Variants in CORO2A observed in about 807,000 individuals in gnomAD.
CORO2A encodes coronin 2A, also known as coronin-2A.
Under a neutral mutation model 62.4 loss-of-function variants are expected in CORO2A, and 47 were observed. The observed-to-expected ratio is 0.75, with a 90% CI of 0.60 to 0.96. The LOEUF (loss-of-function observed/expected upper bound fraction) is 0.96. Ranked by LOEUF, CORO2A falls within the 40% of genes least tolerant of loss-of-function variation. CORO2A has a pLI of 0.00. For missense variants in CORO2A, 610 were observed against 684.1 expected (o/e 0.89, Z 1.21); for synonymous variants, 273 against 268.9 (o/e 1.02, Z -0.15).
At chr9:98,149,375 T>C (rs566523223) in intron 2 of CORO2A, among the ~76,000 whole-genome samples, 44 of 152,336 alleles carry the variant, frequency 2.9e-4, no homozygotes, top group African/African-American at 1.0e-3. Flanking sequence ...CACTAAAGTA[T>C]GAGAAGCTCT....
intron 2 of CORO2A, among the ~76,000 whole-genome samples, chr9:98,142,184 CT>C (rs1180549457): frequency 1.4e-4 from 21 of 152,248 alleles, no homozygotes. Context: ...GAGCCCACAG[CT>C]GCACTGTCTT....
At chr9:98,132,057 C>A (rs1827415838) in intron 6 of CORO2A, 128 bp downstream of exon 6, 1 of 776,236 alleles carries the variant, frequency 1.3e-6, no homozygotes, top group Non-Finnish European at 2.2e-6. Flanking sequence ...ATCCCCGGAT[C>A]CCCAGCACCT....
chr9:98,126,430 C>G (rs192691818), intron 11 of CORO2A, 119 bp downstream of exon 11: 1 of 1,350,484 alleles, frequency 7.4e-7, no homozygotes, highest in Admixed American at 2.2e-5. Flanking sequence ...GTGACTAGGC[C>G]AGGCCACACA....
rs1827714628 is a variant in CORO2A at position 98,150,868 on chromosome 9, A to G, written c.201+6592T>C. Among the ~76,000 whole-genome samples, 4 of 152,048 alleles carry G rather than the reference A, an allele frequency of 2.6e-5. No individual in the cohort carries two copies. In the South Asian group the frequency reaches 8.3e-4, roughly 32 times the overall value. The stretch of plus-strand genomic sequence containing the variant: ...TTCCATTTTGCACTTGTCCCTCCCT[A>G]GCTCGAAACATTCTCTCTCTCTTTA... On this transcript the variant is annotated intron_variant, in intron 2 of 11. Transcript: ENST00000375077.
In CORO2A at chr9:98,134,975, C is replaced by T. The variant is rs1827466097; in HGVS notation, c.319-20G>A. ...CTTAATCTGGCAGGGGAGACAGGGCCCAAGGCAGCATTAGCCAGGGCACCT... is the reference window on the plus strand; with the variant it reads ...CTTAATCTGGCAGGGGAGACAGGGCTCAAGGCAGCATTAGCCAGGGCACCT... On this transcript the variant is annotated intron_variant, in intron 3 of 11. Transcript: ENST00000375077. The T allele has an allele frequency of 5.6e-6, 9 of 1,612,254 alleles. No individual in the cohort carries two copies. Among genetic ancestry groups the T allele is most frequent in the Non-Finnish European group, 7.6e-6 (9 of 1,179,060 alleles).
At chr9:98,158,907 C>T (rs778615436) in intron 1 of CORO2A, among the ~76,000 whole-genome samples, 10 of 151,894 alleles carry the variant, frequency 6.6e-5, no homozygotes, top group East Asian at 1.9e-4. Context: ...GCCAGAGGGG[C>T]GAGGAGAGCC....
chr9:98,187,108 T>C (rs1828248753), intron 1 of CORO2A, among the ~76,000 whole-genome samples: 1 of 151,484 alleles, frequency 6.6e-6, no homozygotes, highest in Non-Finnish European at 1.5e-5. Flanking sequence ...TGAAACCCCG[T>C]CTCTACTGAA....
chr9:98,163,345 G>A (rs1827912380), intron 1 of CORO2A, among the ~76,000 whole-genome samples: 1 of 152,162 alleles, frequency 6.6e-6, no homozygotes, highest in Non-Finnish European at 1.5e-5. Flanking sequence ...GCATGCCACT[G>A]TGCCCCACTA....
At chr9:98,151,188 G>A (rs967490029) in intron 2 of CORO2A, among the ~76,000 whole-genome samples, 3 of 152,140 alleles carry the variant, frequency 2.0e-5, no homozygotes, top group Non-Finnish European at 1.5e-5. Flanking sequence ...TACATTAGGA[G>A]GTACTAGCAG....
At chr9:98,163,162 T>C (rs1588007469) in intron 1 of CORO2A, among the ~76,000 whole-genome samples, 3 of 152,236 alleles carry the variant, frequency 2.0e-5, no homozygotes, top group African/African-American at 7.2e-5. Context: ...TGTAGTCATC[T>C]CTGGGTTTTG....
chr9:98,157,163 C>T (rs930169514), intron 2 of CORO2A, among the ~76,000 whole-genome samples: 1 of 151,928 alleles, frequency 6.6e-6, no homozygotes, highest in Admixed American at 6.6e-5. Flanking sequence ...TCCTGTAATC[C>T]CAGTAAAGCA....
intron 1 of CORO2A, among the ~76,000 whole-genome samples, chr9:98,180,908 C>A (rs1828168004): frequency 6.6e-6 from 1 of 152,210 alleles, no homozygotes; most frequent in African/African-American, 2.4e-5. Context: ...AAGACCAGCT[C>A]CAGGGATGGT....
chr9:98,165,244 C>T (rs1315440238), intron 1 of CORO2A, among the ~76,000 whole-genome samples: 1 of 152,182 alleles, frequency 6.6e-6, no homozygotes, highest in Non-Finnish European at 1.5e-5. Flanking sequence ...CAGGCGTGAG[C>T]CACCGTGCCT....
chr9:98,129,769 A>G (rs367902835), intron 8 of CORO2A, 25 bp downstream of exon 8: 11 of 1,568,414 alleles, frequency 7.0e-6, no homozygotes, highest in South Asian at 1.1e-5. Flanking sequence ...GATTACAGGC[A>G]TGAACTTCAG....
chr9:98,126,674 A>G lies in CORO2A; in HGVS notation c.1321T>C (p.Ser441Pro). Reference protein sequence around the residue: ...EKLAAEDGWRSSSLLEEKMPR... With the variant: ...EKLAAEDGWRPSSLLEEKMPR... ...ATCTTCTCCTCCAACAGGGAGGAAGACCTCCAGCCATCTTCTGCAGCCAGC... is the reference window on the plus strand; with the variant it reads ...ATCTTCTCCTCCAACAGGGAGGAAGGCCTCCAGCCATCTTCTGCAGCCAGC... The change falls in exon 11 of 12, where the codon TCT (serine) becomes CCT (proline). Residue 441 changes from serine (S) to proline (P), a missense_variant. Physicochemically the swap from Ser to Pro is moderately conservative, Grantham distance 74 (BLOSUM62 -1). Coordinates refer to ENST00000375077, the MANE Select transcript of CORO2A (RefSeq NM_052820.4). 1.2e-6 allele frequency: 2 copies of G among 1,613,948 alleles called. No homozygotes were observed. Among genetic ancestry groups the G allele is most frequent in the Non-Finnish European group, 1.7e-6 (2 of 1,179,998 alleles).
At chr9:98,132,121 CATGA>C in intron 6 of CORO2A, 60 bp downstream of exon 6, 3 of 1,200,520 alleles carry the variant, frequency 2.5e-6, no homozygotes, top group Non-Finnish European at 2.5e-6. Flanking sequence ...TGAATGCATG[CATGA>C]ATGAATGACA....
intron 3 of CORO2A, among the ~76,000 whole-genome samples, chr9:98,137,029 A>G (rs1827496804): frequency 6.6e-6 from 1 of 152,170 alleles, no homozygotes; most frequent in South Asian, 2.1e-4. Context: ...CATATTTTAG[A>G]AGTGGGTACA....
At chr9:98,161,425 G>A (rs1176453178) in intron 1 of CORO2A, among the ~76,000 whole-genome samples, 2 of 152,066 alleles carry the variant, frequency 1.3e-5, no homozygotes, top group Non-Finnish European at 2.9e-5. Context: ...GTGGTGGCGC[G>A]CGCCTGTAGT....
rs11789051 is a variant in CORO2A, at chr9:98,171,211, C to T, written c.1-13551G>A. On this transcript the variant is annotated intron_variant, in intron 1 of 11. Coordinates refer to ENST00000375077, the MANE Select transcript of CORO2A (RefSeq NM_052820.4). ...ACCTGTCTTTGGACAGAGAGGGACA[C>T]TGAGGCTCAGAGAGGAAGCGCGCCT... 3.9e-3 allele frequency among the ~76,000 whole-genome samples: 601 copies of T among 152,332 alleles called. 3 individuals carry two copies. The highest frequency in any genetic ancestry group is 6.4e-3 in the Non-Finnish European group (437 of 68,038).
Sources: gnomAD v4.1 joint callset for allele counts (sites outside exome capture counted in the v4.1 genomes callset) on GRCh38, gnomAD v4.1.1 for gene constraint, MANE v1.5 for transcripts, NCBI Gene and HGNC (gene_info 2026-07-23, HGNC 2026-07-21) for gene names.